SBF2: variants seen among roughly 807,000 people sequenced by gnomAD.
SBF2 encodes the protein SET binding factor 2, also known as myotubularin-related protein 13.
In SBF2, 112 loss-of-function variants were observed where a neutral mutation model predicts 225.2. That is an observed-to-expected ratio of 0.50 (90% CI 0.43 to 0.58). The LOEUF is 0.58. Among genes scored for constraint, SBF2 ranks in the 20% least tolerant of loss-of-function variants. The probability of loss-of-function intolerance (pLI) is 0.00; values close to 1 mark genes in which losing one functional copy is unlikely to be tolerated. For synonymous variants in SBF2, 763 were observed against 773.3 expected (o/e 0.99, Z 0.22); for missense variants, 1,996 against 2,206.2 (o/e 0.90, Z 1.91).
chr11:10,190,372 G>T (rs565247625), intron 2 of SBF2, among the ~76,000 whole-genome samples: 1 of 152,130 alleles, frequency 6.6e-6, no homozygotes, highest in Admixed American at 6.5e-5. Context: ...TTTCGTGTAT[G>T]CCTAAAAAGC....
intron 17 of SBF2, among the ~76,000 whole-genome samples, chr11:9,865,912 C>T (rs968216673): frequency 7.9e-5 from 12 of 151,936 alleles, no homozygotes; most frequent in African/African-American, 2.7e-4. Context: ...TTTCTTGTTT[C>T]TGTTAATAGA....
intron 24 of SBF2, among the ~76,000 whole-genome samples, chr11:9,844,361 G>A (rs981619690): frequency 1.3e-5 from 2 of 152,152 alleles, no homozygotes; most frequent in African/African-American, 2.4e-5. Context: ...CTTTTCCAAA[G>A]TCTGCAAAGC....
In SBF2 at chr11:9,780,259, G is replaced by T. The variant is rs996693582; in HGVS notation, c.*159C>A. The T allele has an allele frequency of 7.2e-6, 5 of 696,914 alleles. No individual in the cohort carries two copies. The highest frequency in any genetic ancestry group is 1.0e-5 in the Non-Finnish European group (4 of 386,578). 43.2% of individuals were successfully genotyped at this position (696,914 alleles called of 1,614,324 possible). A position where few individuals can be genotyped will look rare whatever the true frequency, so the allele number is the denominator to read the frequency against. On this transcript the variant is annotated 3_prime_UTR_variant, in exon 40 of 40. Transcript: ENST00000256190. ...AGACCTGTGTGAAACACCTATTCAGGTTAAGTAGATATAGCAACCCCTGCA... is the reference window on the plus strand; with the variant it reads ...AGACCTGTGTGAAACACCTATTCAGTTTAAGTAGATATAGCAACCCCTGCA...
intron 6 of SBF2, among the ~76,000 whole-genome samples, chr11:10,003,421 G>T (rs1246371814): frequency 1.3e-5 from 2 of 149,940 alleles, no homozygotes; most frequent in African/African-American, 4.9e-5. Flanking sequence ...AGGTTGGAGT[G>T]CAGTGGCACG....
chr11:9,962,321 T>C (rs188793304), intron 15 of SBF2, among the ~76,000 whole-genome samples: 284 of 152,348 alleles, frequency 1.9e-3, no homozygotes, highest in Middle Eastern at 3.4e-3. Flanking sequence ...AAATATAAGA[T>C]AATTATGTGA....
At chr11:9,941,119 G>C (rs1267601788) in intron 16 of SBF2, among the ~76,000 whole-genome samples, 1 of 152,042 alleles carries the variant, frequency 6.6e-6, no homozygotes, top group Non-Finnish European at 1.5e-5. Context: ...AAACCAGCCT[G>C]AGCAATAAAG....
chr11:9,974,960 C>CAA lies in SBF2; in HGVS notation c.1396-6417_1396-6416dup, dbSNP rs1166081188. Among the ~76,000 whole-genome samples the CAA allele has an allele frequency of 3.1e-3, 71 of 23,258 alleles. 11 individuals are homozygous for CAA. The highest frequency in any genetic ancestry group is 4.9e-3 in the African/African-American group (42 of 8,522). 15.3% of individuals were successfully genotyped at this position (23,258 alleles called of 152,430 possible). A position where few individuals can be genotyped will look rare whatever the true frequency, so the allele number is the denominator to read the frequency against. On this transcript the variant is annotated intron_variant, in intron 13 of 39. Coordinates refer to ENST00000256190, the MANE Select transcript of SBF2 (RefSeq NM_030962.4). The stretch of plus-strand genomic sequence containing the variant: ...GGGCAACAACAGCGAAACTTTGACT[C>CAA]AAAAAAAAAAAAAAAAAAAAAAAAA...
intron 39 of SBF2, among the ~76,000 whole-genome samples, chr11:9,781,125 A>T (rs968807657): frequency 1.3e-5 from 2 of 152,256 alleles, no homozygotes; most frequent in East Asian, 3.8e-4. Flanking sequence ...GTAGACACTT[A>T]TCATGTGTGA....
intron 17 of SBF2, among the ~76,000 whole-genome samples, chr11:9,893,294 A>C (rs1176571026): frequency 6.6e-6 from 1 of 152,224 alleles, no homozygotes; most frequent in East Asian, 1.9e-4. Flanking sequence ...AAAGATTTAG[A>C]AAATATCCGA....
intron 17 of SBF2, among the ~76,000 whole-genome samples, chr11:9,883,201 A>T (rs12800780): frequency 0.34 from 51,893 of 151,992 alleles, 9,603 homozygotes; most frequent in African/African-American, 0.49. Context: ...ACAACCTGGC[A>T]TCAAAGATCT....
intron 24 of SBF2, chr11:9,843,796 T>A (rs928284293): frequency 7.2e-5 from 11 of 152,356 alleles, no homozygotes; most frequent in African/African-American, 1.9e-4. Flanking sequence ...GTGTAACTTT[T>A]ATTTTTTAAT....
chr11:10,118,103 A>G (rs1195234987), intron 2 of SBF2, among the ~76,000 whole-genome samples: 2 of 152,222 alleles, frequency 1.3e-5, no homozygotes, highest in African/African-American at 4.8e-5. Context: ...ATTCATTATT[A>G]GAATTCACCT....
chr11:9,784,208 G>A, intron 38 of SBF2, 143 bp downstream of exon 38: 2 of 681,290 alleles, frequency 2.9e-6, no homozygotes. Context: ...TGGGGCCCTT[G>A]AGGAGCCTCC....
chr11:10,231,916 C>G (rs1006806567), intron 1 of SBF2, among the ~76,000 whole-genome samples: 1 of 152,244 alleles, frequency 6.6e-6, no homozygotes, highest in African/African-American at 2.4e-5. Context: ...GTGGAGCCTA[C>G]AGAGGCAGGC....
At chr11:10,217,976 T>G (rs1958192813) in intron 1 of SBF2, among the ~76,000 whole-genome samples, 1 of 152,078 alleles carries the variant, frequency 6.6e-6, no homozygotes, top group South Asian at 2.1e-4. Context: ...CTCAGCTCAC[T>G]GCAACCCCCG....
At chr11:9,955,308 T>TATACATAC (rs35368286) in intron 16 of SBF2, among the ~76,000 whole-genome samples, 3 of 151,898 alleles carry the variant, frequency 2.0e-5, no homozygotes, top group East Asian at 3.9e-4. Flanking sequence ...TTTACTATCA[T>TATACATAC]ATACATACAT....
At chr11:10,260,784 G>T (rs1484575885) in intron 1 of SBF2, among the ~76,000 whole-genome samples, 2 of 151,232 alleles carry the variant, frequency 1.3e-5, no homozygotes, top group Non-Finnish European at 2.9e-5. Context: ...AGGAGGTTAA[G>T]ACAGGAGGAT....
At chr11:10,178,145 G>C (rs930573411) in intron 2 of SBF2, among the ~76,000 whole-genome samples, 1 of 147,100 alleles carries the variant, frequency 6.8e-6, no homozygotes, top group Non-Finnish European at 1.5e-5. Context: ...GCCATATGTA[G>C]AAAGCTGAAA....
At chr11:10,032,263 T>G in intron 3 of SBF2, among the ~76,000 whole-genome samples, 1 of 152,172 alleles carries the variant, frequency 6.6e-6, no homozygotes, top group East Asian at 1.9e-4. Flanking sequence ...TCCCCTCTTT[T>G]TAATAACCTA....
Sources: allele counts gnomAD v4.1 joint callset (sites outside exome capture counted in the v4.1 genomes callset), GRCh38; gene constraint gnomAD v4.1.1; transcripts MANE v1.5; gene names NCBI Gene and HGNC (gene_info 2026-07-23, HGNC 2026-07-21).